The following YY1 variants were observed in gnomAD, a reference collection of about 807,000 sequenced individuals.
The protein encoded by YY1 is YY1 transcription factor, also known as transcriptional repressor protein YY1.
YY1 carries 2 observed loss-of-function variants against 35.6 expected under a neutral mutation model. The ratio of observed to expected loss-of-function variants is 0.06; its 90% CI spans 0.02 to 0.18. YY1 has a LOEUF of 0.18. Among genes scored for constraint, YY1 ranks in the 10% least tolerant of loss-of-function variants. The pLI is 1.00. For missense variants in YY1, 322 were observed against 573.4 expected (o/e 0.56, Z 4.48); for synonymous variants, 268 against 238.9 (o/e 1.12, Z -1.12).
chr14:100,276,110 C>T lies in YY1; in HGVS notation c.904-380C>T, dbSNP rs1218044583. On this transcript the variant is annotated intron_variant, in intron 3 of 4. Transcript: ENST00000262238. The surrounding 1 kb of genome is among the most constrained non-coding windows in gnomAD (Gnocchi z 4.1). ...ACTACCGTCATTTTAACTCCATTTGCTTAGCAGTGCTTCTGTTACTTCATT... is the reference window on the plus strand; with the variant it reads ...ACTACCGTCATTTTAACTCCATTTGTTTAGCAGTGCTTCTGTTACTTCATT... 4 of 320,898 alleles carry T rather than the reference C, an allele frequency of 1.2e-5. No homozygotes were observed. The highest frequency in any genetic ancestry group is 2.4e-5 in the Non-Finnish European group (4 of 166,270). 19.9% of individuals were successfully genotyped at this position (320,898 alleles called of 1,614,324 possible). A position where few individuals can be genotyped will look rare whatever the true frequency, so the allele number is the denominator to read the frequency against.
intron 2 of YY1, among the ~76,000 whole-genome samples, chr14:100,268,350 G>A (rs1176091572): frequency 3.3e-5 from 5 of 152,204 alleles, no homozygotes; most frequent in African/African-American, 1.2e-4. Flanking sequence ...CATTGGGAAG[G>A]TGGACAGTCT....
chr14:100,248,208 C>T (rs905082550), intron 1 of YY1, among the ~76,000 whole-genome samples: 8 of 151,258 alleles, frequency 5.3e-5, no homozygotes, highest in African/African-American at 1.5e-4. Flanking sequence ...CTCCGCTTCC[C>T]GGGTTCATAC....
intron 1 of YY1, among the ~76,000 whole-genome samples, chr14:100,244,320 CTTTTTTTTTT>C (rs869125410): frequency 4.5e-5 from 4 of 89,704 alleles, no homozygotes; most frequent in South Asian, 5.0e-4. Context: ...TCCTTTTTTA[CTTTTTTTTTT>C]TTTTTTTTTT....
At chr14:100,261,727 A>G (rs183112971) in intron 1 of YY1, among the ~76,000 whole-genome samples, 7 of 152,312 alleles carry the variant, frequency 4.6e-5, no homozygotes, top group Non-Finnish European at 1.0e-4. Context: ...GCCAAAATAG[A>G]GGAGTGAAGA....
At chr14:100,266,109 C>T (rs931045910) in intron 2 of YY1, among the ~76,000 whole-genome samples, 8 of 152,060 alleles carry the variant, frequency 5.3e-5, no homozygotes, top group South Asian at 4.2e-4. Context: ...TCTCAGATCT[C>T]GTGAGACTTA....
In YY1 at chr14:100,276,414, G is replaced by C; in HGVS notation, c.904-76G>C. 6.2e-7 allele frequency: 1 copy of C among 1,607,628 alleles called. No individual in the cohort carries two copies. Among genetic ancestry groups the C allele is most frequent in the Non-Finnish European group, 8.5e-7 (1 of 1,174,892 alleles). On this transcript the variant is annotated intron_variant, in intron 3 of 4. Transcript: ENST00000262238. The surrounding 1 kb of genome is among the most constrained non-coding windows in gnomAD (Gnocchi z 4.1). ...GAGGTGGTTTTGTTTTAATATGTCA[G>C]TAAAGGCTGTTAAATGGTTGAATCC...
rs1464570226 is a variant in YY1 at position 100,239,529 on chromosome 14, C to T, written c.285C>T (p.Thr95=). 3.7e-6 allele frequency: 6 copies of T among 1,612,038 alleles called. No individual in the cohort carries two copies. Among genetic ancestry groups the T allele is most frequent in the Non-Finnish European group, 4.2e-6 (5 of 1,179,640 alleles). Residue 95 remains threonine, a synonymous_variant, in exon 1 of 5, where the codon ACC becomes ACT. Transcript: ENST00000262238. ...ALQPLVTDDP[T]QVHHHQEVIL... The stretch of plus-strand genomic sequence containing the variant: ...AGCCGCTGGTCACCGACGACCCGAC[C>T]CAGGTGCACCACCACCAGGAGGTGA...
At chr14:100,272,796 A>G (rs1485767933) in intron 2 of YY1, among the ~76,000 whole-genome samples, 1 of 152,004 alleles carries the variant, frequency 6.6e-6, no homozygotes, top group Non-Finnish European at 1.5e-5. Flanking sequence ...GTAGTCTTTT[A>G]TCCCACACCA....
At chr14:100,242,841 C>G (rs920859882) in intron 1 of YY1, among the ~76,000 whole-genome samples, 1 of 152,074 alleles carries the variant, frequency 6.6e-6, no homozygotes, top group Non-Finnish European at 1.5e-5. Context: ...CTTCACCTCC[C>G]GGATTCAAGG....
At position 100,239,490 on chromosome 14, in the gene YY1, C is replaced by T. The variant is rs1890690954; in HGVS notation, c.246C>T (p.Pro82=). The T allele has an allele frequency of 2.5e-6, 4 of 1,608,764 alleles. No individual in the cohort carries two copies. Among genetic ancestry groups the T allele is most frequent in the East Asian group, 4.5e-5 (2 of 44,668 alleles). The stretch of plus-strand genomic sequence containing the variant: ...ACCATCACCACCACCACCACCCGCC[C>T]ATGATCGCTCTGCAGCCGCTGGTCA... The part of the protein sequence containing the change: ...HHHHHHHHHP[P]MIALQPLVTD... Residue 82 remains proline, a synonymous_variant, in exon 1 of 5, where the codon CCC becomes CCT. Coordinates refer to ENST00000262238, the MANE Select transcript of YY1 (RefSeq NM_003403.5).
chr14:100,277,069 G>A lies in YY1; in HGVS notation c.1063-349G>A. The stretch of plus-strand genomic sequence containing the variant: ...AATAAGTGAAAGAACTAGCAGTGCA[G>A]CTAGTAAATCTAACGTGGTTCTTTT... On this transcript the variant is annotated intron_variant, in intron 4 of 4. Transcript: ENST00000262238. This position sits in a 1 kb window ranked among gnomAD's most constrained non-coding sequence, Gnocchi z 5.6. 1 of 438,884 alleles carries A rather than the reference G, an allele frequency of 2.3e-6. No individual in the cohort carries two copies. The highest frequency in any genetic ancestry group is 2.5e-5 in the South Asian group (1 of 40,324). The allele number at this position is 438,884 out of a possible 1,614,324, so 27.2% of individuals were successfully genotyped here.
At chr14:100,249,378 C>G (rs1890887960) in intron 1 of YY1, among the ~76,000 whole-genome samples, 1 of 152,002 alleles carries the variant, frequency 6.6e-6, no homozygotes, top group East Asian at 1.9e-4. Flanking sequence ...GCCTCAGCCT[C>G]CAAAGTTCTG....
intron 1 of YY1, among the ~76,000 whole-genome samples, chr14:100,250,803 C>T (rs560784087): frequency 1.3e-5 from 2 of 150,464 alleles, no homozygotes; most frequent in Admixed American, 6.6e-5. Context: ...TGAGACCAAC[C>T]TGGGCAACAT....
chr14:100,272,177 T>G (rs1326506160), intron 2 of YY1, among the ~76,000 whole-genome samples: 1 of 151,598 alleles, frequency 6.6e-6, no homozygotes, highest in Non-Finnish European at 1.5e-5. Flanking sequence ...GCGCCTGTAG[T>G]CCCAGCTACT....
At position 100,277,002 on chromosome 14, in the gene YY1, A is replaced by G. The variant is rs1891330257; in HGVS notation, c.1062+354A>G. The G allele has an allele frequency of 2.4e-6, 1 of 409,186 alleles. No individual in the cohort carries two copies. Among genetic ancestry groups the G allele is most frequent in the South Asian group, 2.5e-5 (1 of 39,716 alleles). The allele number at this position is 409,186 out of a possible 1,614,324, so 25.3% of individuals were successfully genotyped here. ...GTTAATAGTATAATTACTAACTGAT[A>G]AAGTTTCTAGAGTGTAAGTATAGGT... On this transcript the variant is annotated intron_variant, in intron 4 of 4. Coordinates refer to ENST00000262238, the MANE Select transcript of YY1 (RefSeq NM_003403.5). The surrounding 1 kb of genome is among the most constrained non-coding windows in gnomAD (Gnocchi z 5.6).
At chr14:100,257,741 C>T (rs1206648000) in intron 1 of YY1, among the ~76,000 whole-genome samples, 5 of 152,148 alleles carry the variant, frequency 3.3e-5, no homozygotes, top group African/African-American at 9.7e-5. Flanking sequence ...ATAAATGTTG[C>T]CTTAAGCCAC....
chr14:100,261,029 T>G (rs1372619930), intron 1 of YY1, among the ~76,000 whole-genome samples: 1 of 150,866 alleles, frequency 6.6e-6, no homozygotes, highest in East Asian at 2.0e-4. Flanking sequence ...ACTTCTGGGC[T>G]TAAGTGATCC....
chr14:100,257,655 A>G lies in YY1; in HGVS notation c.680-4649A>G, dbSNP rs181164946. 2.5e-4 allele frequency among the ~76,000 whole-genome samples: 38 copies of G among 152,090 alleles called. 1 individual carries two copies. In the East Asian group the frequency reaches 6.2e-3, roughly 25 times the overall value. The stretch of plus-strand genomic sequence containing the variant: ...GTGTGAAGATGGCTATCTGCAAACC[A>G]GGGAGTAGGTCCTCACCAAGAACAC... On this transcript the variant is annotated intron_variant, in intron 1 of 4. Coordinates refer to ENST00000262238, the MANE Select transcript of YY1 (RefSeq NM_003403.5).
chr14:100,243,114 ACT>A (rs1399617575), intron 1 of YY1, among the ~76,000 whole-genome samples: 4 of 152,174 alleles, frequency 2.6e-5, no homozygotes, highest in East Asian at 1.9e-4. Flanking sequence ...CTTATGGATA[ACT>A]CTGCATTTCC....
Sources: gnomAD v4.1 joint callset for allele counts (sites outside exome capture counted in the v4.1 genomes callset) on GRCh38, gnomAD v4.1.1 for gene constraint, Gnocchi (gnomAD v3.1) non-coding constraint, MANE v1.5 for transcripts, NCBI Gene and HGNC (gene_info 2026-07-23, HGNC 2026-07-21) for gene names.